The following PEMT variants were observed in gnomAD, a reference collection of about 807,000 sequenced individuals.
The protein encoded by PEMT is phospholipid methyltransferase.
A neutral mutation model predicts 27.4 loss-of-function variants in PEMT; 23 were observed. The ratio of observed to expected loss-of-function variants is 0.84; its 90% confidence interval spans 0.60 to 1.19. PEMT has a LOEUF of 1.19. Among genes scored for constraint, PEMT ranks in the 50% most tolerant of loss-of-function variants. The pLI is 0.00. For synonymous variants in PEMT, 137 were observed against 139.1 expected (o/e 0.98, Z 0.11); for missense variants, 307 against 310.1 (o/e 0.99, Z 0.07).
At chr17:17,559,143 C>T (rs901804967) in intron 2 of PEMT, among the ~76,000 whole-genome samples, 2 of 152,186 alleles carry the variant, frequency 1.3e-5, no homozygotes, top group African/African-American at 4.8e-5. Flanking sequence ...TATGACCCGC[C>T]GGGGCTGCAC....
intron 2 of PEMT, among the ~76,000 whole-genome samples, chr17:17,560,700 G>T (rs924211758): frequency 6.6e-6 from 1 of 152,100 alleles, no homozygotes; most frequent in Non-Finnish European, 1.5e-5. Context: ...CCTAGCCAAG[G>T]AGCAGCATGG....
Position 17,513,714 on chromosome 17 carries a change from G to A in PEMT, c.321-1060C>T, listed in dbSNP as rs144380934. On this transcript the variant is annotated intron_variant, in intron 3 of 6. Transcript: ENST00000255389. The surrounding 1 kb of genome is among the most constrained non-coding windows in gnomAD (Gnocchi z 4.1). ...AGGGGCTGGTGCAGGGAGGGCACAG[G>A]GGCTAGGCATGTGCTGATGTACCCA... Among the ~76,000 whole-genome samples, 254 of 152,254 alleles carry A rather than the reference G, an allele frequency of 1.7e-3. 1 individual carries two copies. The highest frequency in any genetic ancestry group is 5.2e-3 in the African/African-American group (214 of 41,552).
At position 17,512,734 on chromosome 17, in the gene PEMT, T is replaced by C. The variant is rs893812736; in HGVS notation, c.321-80A>G. 4 of 1,339,510 alleles carry C rather than the reference T, an allele frequency of 3.0e-6. No homozygotes were observed. In the Admixed American group the frequency reaches 9.4e-5, roughly 31 times the overall value. 83.0% of individuals were successfully genotyped at this position (1,339,510 alleles called of 1,614,324 possible). A position where few individuals can be genotyped will look rare whatever the true frequency, so the allele number is the denominator to read the frequency against. Reference sequence around the variant, plus strand: ...CCGGGAGGAGGCCGACCTCATCTTCTCGCCCTCTCCCCAGGGACCCTTAGA... The same window carrying C: ...CCGGGAGGAGGCCGACCTCATCTTCCCGCCCTCTCCCCAGGGACCCTTAGA... On this transcript the variant is annotated intron_variant, in intron 3 of 6. Coordinates refer to ENST00000255389, the MANE Select transcript of PEMT (RefSeq NM_148172.3). This position sits in a 1 kb window ranked among gnomAD's most constrained non-coding sequence, Gnocchi z 6.3.
intron 2 of PEMT, among the ~76,000 whole-genome samples, chr17:17,542,394 G>A (rs1034093481): frequency 3.3e-5 from 5 of 152,222 alleles, no homozygotes; most frequent in Non-Finnish European, 7.3e-5. Context: ...GGACTGGCTT[G>A]GGATAGAGGG....
intron 3 of PEMT, among the ~76,000 whole-genome samples, chr17:17,519,454 T>G (rs748196): frequency 0.5 from 75,302 of 151,996 alleles, 18,858 homozygotes; most frequent in Non-Finnish European, 0.53. Context: ...AGCCACCATC[T>G]GTAAGAAGCT....
In PEMT at chr17:17,513,785, G is replaced by T. The variant is rs1486578781; in HGVS notation, c.321-1131C>A. On this transcript the variant is annotated intron_variant, in intron 3 of 6. Coordinates refer to ENST00000255389, the MANE Select transcript of PEMT (RefSeq NM_148172.3). The surrounding 1 kb of genome is among the most constrained non-coding windows in gnomAD (Gnocchi z 4.1). Reference sequence around the variant, plus strand: ...GGCGCTGGTGGGAAGGGGGCCCTGGGTGCTAGATGAGAGGCACACTCACAG... The same window carrying T: ...GGCGCTGGTGGGAAGGGGGCCCTGGTTGCTAGATGAGAGGCACACTCACAG... Among the ~76,000 whole-genome samples the T allele has an allele frequency of 6.6e-6, 1 of 151,910 alleles. No individual in the cohort carries two copies. The highest frequency in any genetic ancestry group is 2.4e-5 in the African/African-American group (1 of 41,292).
chr17:17,525,477 G>A (rs566741937), intron 2 of PEMT, among the ~76,000 whole-genome samples: 1 of 152,322 alleles, frequency 6.6e-6, no homozygotes, highest in South Asian at 2.1e-4. Flanking sequence ...ATCCAACAAT[G>A]AGCGGGTGCC....
rs2278952 is a variant in PEMT at position 17,582,270 on chromosome 17, G to A, written c.97-5243C>T. ...CTAAAGGAAAGGAGCTACCCACCAC[G>A]GCCAGGAGGTCTGCTGAGCTGCAGG... On this transcript the variant is annotated intron_variant, in intron 1 of 6. Transcript: ENST00000255389. This position sits in a 1 kb window ranked among gnomAD's most constrained non-coding sequence, Gnocchi z 4.9. The A allele has an allele frequency of 0.059, 58,013 of 985,342 alleles. 1,864 individuals are homozygous for A. Among genetic ancestry groups the A allele is most frequent in the South Asian group, 0.097 (2,054 of 21,282 alleles). The allele number at this position is 985,342 out of a possible 1,614,324, so 61.0% of individuals were successfully genotyped here.
chr17:17,547,777 C>T (rs1191675322), intron 2 of PEMT, among the ~76,000 whole-genome samples: 2 of 152,084 alleles, frequency 1.3e-5, no homozygotes, highest in Non-Finnish European at 2.9e-5. Context: ...GACCTCCAAG[C>T]GCCCGTGAAC....
chr17:17,527,793 G>A (rs1025424513), intron 2 of PEMT, among the ~76,000 whole-genome samples: 1 of 152,210 alleles, frequency 6.6e-6, no homozygotes, highest in African/African-American at 2.4e-5. Context: ...CCAGGGAGAG[G>A]ACAGGCAGAC....
intron 2 of PEMT, among the ~76,000 whole-genome samples, chr17:17,566,358 TTCC>T (rs1910828295): frequency 6.6e-6 from 1 of 152,118 alleles, no homozygotes; most frequent in Non-Finnish European, 1.5e-5. Flanking sequence ...CGCCTCAGGG[TTCC>T]TCCTCCAGGA....
chr17:17,519,957 A>C (rs1244852135), intron 3 of PEMT, among the ~76,000 whole-genome samples: 1 of 152,124 alleles, frequency 6.6e-6, no homozygotes, highest in Non-Finnish European at 1.5e-5. Context: ...GCTGCAGCCC[A>C]CTTCTCCTGC....
intron 2 of PEMT, among the ~76,000 whole-genome samples, chr17:17,550,950 G>A (rs1003685826): frequency 4.6e-5 from 7 of 152,212 alleles, no homozygotes; most frequent in Non-Finnish European, 1.0e-4. Flanking sequence ...ACTAAAGGAC[G>A]TTATTCCAGA....
At chr17:17,578,182 T>C (rs1911749268) in intron 1 of PEMT, among the ~76,000 whole-genome samples, 1 of 151,848 alleles carries the variant, frequency 6.6e-6, no homozygotes, top group Non-Finnish European at 1.5e-5. Flanking sequence ...AATTTTTTTT[T>C]TTTTTGAGAC....
chr17:17,591,441 CG>C, intron 1 of PEMT, 89 bp downstream of exon 1: 1 of 1,127,636 alleles, frequency 8.9e-7, no homozygotes, highest in East Asian at 2.8e-5. Flanking sequence ...GGCCCCGCCC[CG>C]CAGCGTTTGA....
chr17:17,567,382 G>A (rs1382783287), intron 2 of PEMT, among the ~76,000 whole-genome samples: 1 of 152,274 alleles, frequency 6.6e-6, no homozygotes, highest in Non-Finnish European at 1.5e-5. Flanking sequence ...TCCCCACCAG[G>A]CCAGTGCCAG....
chr17:17,563,646 G>A lies in PEMT; in HGVS notation c.204+13274C>T, dbSNP rs879373982. Among the ~76,000 whole-genome samples the A allele has an allele frequency of 3.9e-5, 6 of 152,218 alleles. No individual in the cohort carries two copies. In the East Asian group the frequency reaches 5.8e-4, roughly 15 times the overall value. On this transcript the variant is annotated intron_variant, in intron 2 of 6. Coordinates refer to ENST00000255389, the MANE Select transcript of PEMT (RefSeq NM_148172.3). ...TTACAACCATGCTGCTACCGTAAGC[G>A]GGTGGCAGGCAAAGCGACAGGTGTA...
chr17:17,567,687 G>A (rs1034937576), intron 2 of PEMT, among the ~76,000 whole-genome samples: 1 of 152,256 alleles, frequency 6.6e-6, no homozygotes, highest in Non-Finnish European at 1.5e-5. Flanking sequence ...ACAGGAGCGG[G>A]GGAGAGCTAG....
intron 3 of PEMT, among the ~76,000 whole-genome samples, chr17:17,519,791 C>T (rs1348326393): frequency 2.0e-5 from 3 of 152,172 alleles, no homozygotes; most frequent in African/African-American, 4.8e-5. Flanking sequence ...GATGAGATTG[C>T]GCAGGAAATC....
Sources: gnomAD v4.1 joint callset for allele counts (sites outside exome capture counted in the v4.1 genomes callset) on GRCh38, gnomAD v4.1.1 for gene constraint, Gnocchi (gnomAD v3.1) non-coding constraint, MANE v1.5 for transcripts, NCBI Gene and HGNC (gene_info 2026-07-23, HGNC 2026-07-21) for gene names.